Variants in PMFBP1 observed in about 807,000 individuals in gnomAD.
PMFBP1 encodes the protein polyamine-modulated factor 1-binding protein 1.
A neutral mutation model predicts 137.8 loss-of-function variants in PMFBP1; 131 were observed. The ratio of observed to expected loss-of-function variants is 0.95; its 90% confidence interval spans 0.82 to 1.10. The LOEUF (loss-of-function observed/expected upper bound fraction) is 1.10. Ranked by LOEUF, PMFBP1 falls within the 50% of genes least tolerant of loss-of-function variation. PMFBP1 has a pLI of 0.00. For missense variants in PMFBP1, 1,199 were observed against 1,175.4 expected (o/e 1.02, Z -0.29); for synonymous variants, 490 against 450.4 (o/e 1.09, Z -1.11).
chr16:72,136,639 G>A (rs758972064), intron 8 of PMFBP1, 34 bp from the exon 9 acceptor site: 3 of 1,614,038 alleles, frequency 1.9e-6, no homozygotes, highest in Admixed American at 1.7e-5. Context: ...TATGCTCAGG[G>A]GAGAGTTAGG....
chr16:72,234,407 C>T, the PMFBP1 span, among the ~76,000 whole-genome samples: 1 of 152,090 alleles, frequency 6.6e-6, no homozygotes, highest in African/African-American at 2.4e-5. Flanking sequence ...ATTAGTGTCC[C>T]CGAGTTGACC....
intron 9 of PMFBP1, among the ~76,000 whole-genome samples, chr16:72,135,819 C>T (rs1406531604): frequency 1.5e-5 from 2 of 134,932 alleles, no homozygotes; most frequent in Non-Finnish European, 3.1e-5. Context: ...GATCACGACT[C>T]ACTGCAACCT....
chr16:72,165,046 T>G, intron 2 of PMFBP1, 130 bp from the exon 3 acceptor site: 1 of 909,338 alleles, frequency 1.1e-6, no homozygotes, highest in Non-Finnish European at 1.6e-6. Context: ...CTGTTATTAC[T>G]CATCCTGTGT....
At chr16:72,156,575 G>A (rs988703191) in intron 3 of PMFBP1, among the ~76,000 whole-genome samples, 8 of 151,506 alleles carry the variant, frequency 5.3e-5, no homozygotes, top group Admixed American at 3.3e-4. Context: ...AGCTGAGATC[G>A]TGCCACTGCA....
chr16:72,119,170 G>A lies in PMFBP1; in HGVS notation c.*168C>T. 1 of 706,282 alleles carries A rather than the reference G, an allele frequency of 1.4e-6. No individual in the cohort carries two copies. Among genetic ancestry groups the A allele is most frequent in the Non-Finnish European group, 2.4e-6 (1 of 414,572 alleles). The allele number at this position is 706,282 out of a possible 1,614,324, so 43.8% of individuals were successfully genotyped here. A position where few individuals can be genotyped will look rare whatever the true frequency, so the allele number is the denominator to read the frequency against. ...AGTATGGTTCTAAAGCTCACTCCATGGCAGGAAGTGGACAAAACTCAACAA... is the reference window on the plus strand; with the variant it reads ...AGTATGGTTCTAAAGCTCACTCCATAGCAGGAAGTGGACAAAACTCAACAA... On this transcript the variant is annotated 3_prime_UTR_variant, in exon 21 of 21. Coordinates refer to ENST00000237353, the MANE Select transcript of PMFBP1 (RefSeq NM_031293.3).
chr16:72,248,488 G>C, the PMFBP1 span, among the ~76,000 whole-genome samples: 11 of 152,258 alleles, frequency 7.2e-5, no homozygotes, highest in East Asian at 1.9e-3. Context: ...AAATCTCTTT[G>C]AGATGAACAA....
chr16:72,216,094 G>A, the PMFBP1 span, among the ~76,000 whole-genome samples: 14 of 152,210 alleles, frequency 9.2e-5, no homozygotes, highest in Non-Finnish European at 1.6e-4. Flanking sequence ...TTCCAGGCCC[G>A]GCCCCTAAAG....
At chr16:72,242,105 T>A in the PMFBP1 span, among the ~76,000 whole-genome samples, 1 of 152,176 alleles carries the variant, frequency 6.6e-6, no homozygotes, top group Admixed American at 6.5e-5. Flanking sequence ...GACACCGTGA[T>A]ATAGTGCATA....
the PMFBP1 span, among the ~76,000 whole-genome samples, chr16:72,190,356 G>C: frequency 6.6e-6 from 1 of 152,198 alleles, no homozygotes; most frequent in Non-Finnish European, 1.5e-5. Context: ...AGCTCGTGAA[G>C]CTAGAGGCAA....
chr16:72,144,582 C>G (rs950204038), intron 5 of PMFBP1, among the ~76,000 whole-genome samples: 2 of 151,940 alleles, frequency 1.3e-5, no homozygotes, highest in Admixed American at 6.6e-5. Context: ...AAAATTCGAG[C>G]CTTATGTCAT....
chr16:72,191,106 G>A, the PMFBP1 span, among the ~76,000 whole-genome samples: 1 of 152,128 alleles, frequency 6.6e-6, no homozygotes, highest in African/African-American at 2.4e-5. Flanking sequence ...CATCCTGCCC[G>A]AGGCCTTGAG....
At chr16:72,247,565 T>C in the PMFBP1 span, among the ~76,000 whole-genome samples, 1 of 152,186 alleles carries the variant, frequency 6.6e-6, no homozygotes, top group African/African-American at 2.4e-5. Flanking sequence ...GACATTATCT[T>C]GAGGGTGAAA....
chr16:72,164,997 G>T, intron 2 of PMFBP1, 81 bp from the exon 3 acceptor site: 1 of 1,410,370 alleles, frequency 7.1e-7, no homozygotes, highest in South Asian at 1.6e-5. Context: ...GGTTGACAGA[G>T]ACTTGAAATT....
At chr16:72,186,257 G>A in the PMFBP1 span, among the ~76,000 whole-genome samples, 1 of 152,196 alleles carries the variant, frequency 6.6e-6, no homozygotes, top group Non-Finnish European at 1.5e-5. Flanking sequence ...TCTGGAAGAA[G>A]CTCCCCTGTA....
the PMFBP1 span, among the ~76,000 whole-genome samples, chr16:72,184,021 C>G: frequency 6.6e-6 from 1 of 152,132 alleles, no homozygotes; most frequent in African/African-American, 2.4e-5. Context: ...GAAATATTTT[C>G]TAGAAGCACT....
intron 5 of PMFBP1, among the ~76,000 whole-genome samples, chr16:72,141,836 T>C (rs2042727996): frequency 6.6e-6 from 1 of 152,188 alleles, no homozygotes; most frequent in Non-Finnish European, 1.5e-5. Context: ...GATATTGTAC[T>C]ATTGTCCTTC....
chr16:72,208,505 A>G, the PMFBP1 span, among the ~76,000 whole-genome samples: 1 of 152,202 alleles, frequency 6.6e-6, no homozygotes, highest in Non-Finnish European at 1.5e-5. Flanking sequence ...TTCTAATTAT[A>G]TTTTCCCAAA....
chr16:72,242,802 T>C, the PMFBP1 span, among the ~76,000 whole-genome samples: 1 of 152,322 alleles, frequency 6.6e-6, no homozygotes, highest in African/African-American at 2.4e-5. Flanking sequence ...AACTGGCCCA[T>C]ATAAAAAGGC....
chr16:72,183,288 G>T, the PMFBP1 span, among the ~76,000 whole-genome samples: 1 of 152,172 alleles, frequency 6.6e-6, no homozygotes, highest in African/African-American at 2.4e-5. Context: ...GTTGCCTAGG[G>T]CTACTGTAAC....
Sources: allele counts gnomAD v4.1 joint callset (sites outside exome capture counted in the v4.1 genomes callset), GRCh38; gene constraint gnomAD v4.1.1; transcripts MANE v1.5; gene names NCBI Gene and HGNC (gene_info 2026-07-23, HGNC 2026-07-21).